HMGCLL1: variants seen among roughly 807,000 people sequenced by gnomAD.
HMGCLL1 encodes 3-hydroxymethyl-3-methylglutaryl-CoA lyase, cytoplasmic.
Under a neutral mutation model 39.1 loss-of-function variants are expected in HMGCLL1, and 36 were observed. That is an observed-to-expected ratio of 0.92 (90% CI 0.71 to 1.22). The LOEUF is 1.22. Ranked by LOEUF, HMGCLL1 falls within the 50% of genes most tolerant of loss-of-function variation. The pLI, the probability that HMGCLL1 is intolerant of heterozygous loss-of-function variation, is 0.00. For synonymous variants in HMGCLL1, 149 were observed against 144.0 expected, an observed-to-expected ratio of 1.03 and a Z score of -0.25; for missense variants, 451 against 416.5, an observed-to-expected ratio of 1.08 and a Z score of -0.72.
the HMGCLL1 span, among the ~76,000 whole-genome samples, chr6:55,661,168 C>T: frequency 6.6e-6 from 1 of 151,944 alleles, no homozygotes; most frequent in African/African-American, 2.4e-5. Context: ...TATAGGTTGT[C>T]TATTCACTCT....
At chr6:55,614,225 A>T in the HMGCLL1 span, among the ~76,000 whole-genome samples, 2 of 152,254 alleles carry the variant, frequency 1.3e-5, no homozygotes, top group Non-Finnish European at 2.9e-5. Context: ...TTAACCCTCC[A>T]TGTAATGAAA....
chr6:55,530,178 A>G (rs1264307940), intron 3 of HMGCLL1, among the ~76,000 whole-genome samples: 1 of 152,144 alleles, frequency 6.6e-6, no homozygotes, highest in African/African-American at 2.4e-5. Flanking sequence ...TTGACTGATA[A>G]TAGTGTTAAA....
chr6:55,454,178 G>T (rs1581797331), intron 7 of HMGCLL1, among the ~76,000 whole-genome samples: 1 of 152,000 alleles, frequency 6.6e-6, no homozygotes, highest in East Asian at 1.9e-4. Context: ...GACTCCATTG[G>T]TCAGTAAAAT....
chr6:55,467,038 T>C (rs1423671226), intron 7 of HMGCLL1, among the ~76,000 whole-genome samples: 9 of 152,078 alleles, frequency 5.9e-5, no homozygotes, highest in Non-Finnish European at 1.0e-4. Flanking sequence ...TTCAACAACA[T>C]AAAATTTCTT....
intron 3 of HMGCLL1, among the ~76,000 whole-genome samples, chr6:55,537,098 A>AT (rs35004402): frequency 0.65 from 98,346 of 151,778 alleles, 32,158 homozygotes; most frequent in Admixed American, 0.71. Context: ...ACTTCATAAG[A>AT]TTTTTTTTCC....
the HMGCLL1 span, among the ~76,000 whole-genome samples, chr6:55,661,832 C>T: frequency 6.6e-6 from 1 of 151,694 alleles, no homozygotes. Context: ...GATATTGATT[C>T]TTTCTATTCA....
At chr6:55,480,498 T>G (rs111281767) in intron 7 of HMGCLL1, among the ~76,000 whole-genome samples, 3 of 151,654 alleles carry the variant, frequency 2.0e-5, no homozygotes, top group African/African-American at 7.3e-5. Context: ...AAAAGGGAAC[T>G]CTCATACGCT....
At chr6:55,658,078 G>T in the HMGCLL1 span, among the ~76,000 whole-genome samples, 1 of 151,632 alleles carries the variant, frequency 6.6e-6, no homozygotes. Context: ...AAAAAAAAGT[G>T]TAGGATTTGT....
the HMGCLL1 span, among the ~76,000 whole-genome samples, chr6:55,657,282 A>G: frequency 7.9e-5 from 12 of 151,996 alleles, no homozygotes; most frequent in Admixed American, 5.9e-4. Context: ...GCCCATGCCT[A>G]TGTCCTGAGT....
At chr6:55,495,215 A>G (rs1766509284) in intron 7 of HMGCLL1, among the ~76,000 whole-genome samples, 2 of 152,336 alleles carry the variant, frequency 1.3e-5, no homozygotes, top group South Asian at 4.1e-4. Context: ...AAATCAAACT[A>G]ACAGTAATAA....
At chr6:55,536,516 T>TAACG (rs1414148859) in intron 3 of HMGCLL1, among the ~76,000 whole-genome samples, 1 of 152,218 alleles carries the variant, frequency 6.6e-6, no homozygotes, top group Non-Finnish European at 1.5e-5. Context: ...AGCTTACTAC[T>TAACG]AACGGCCACA....
the HMGCLL1 span, among the ~76,000 whole-genome samples, chr6:55,677,741 A>G: frequency 6.6e-6 from 1 of 152,212 alleles, no homozygotes; most frequent in Non-Finnish European, 1.5e-5. Flanking sequence ...TCAATTTTAC[A>G]GTTCATTAAG....
chr6:55,574,475 C>G (rs1385483957), intron 1 of HMGCLL1, among the ~76,000 whole-genome samples: 1 of 151,388 alleles, frequency 6.6e-6, no homozygotes, highest in Non-Finnish European at 1.5e-5. Context: ...TAATAAGCCA[C>G]GGTTGTATGT....
chr6:55,587,030 T>A, the HMGCLL1 span, among the ~76,000 whole-genome samples: 1 of 152,110 alleles, frequency 6.6e-6, no homozygotes, highest in Non-Finnish European at 1.5e-5. Context: ...AAAGTGTTCC[T>A]ATTTCTCCAC....
At chr6:55,626,998 A>C in the HMGCLL1 span, among the ~76,000 whole-genome samples, 1 of 149,162 alleles carries the variant, frequency 6.7e-6, no homozygotes, top group East Asian at 2.0e-4. Flanking sequence ...TCCAGTCAAG[A>C]CTACAAATGA....
chr6:55,678,127 A>G, the HMGCLL1 span, among the ~76,000 whole-genome samples: 3 of 152,184 alleles, frequency 2.0e-5, no homozygotes, highest in Non-Finnish European at 4.4e-5. Context: ...TAACCACTCT[A>G]GGTCAGGGTG....
the HMGCLL1 span, among the ~76,000 whole-genome samples, chr6:55,619,016 A>C: frequency 6.6e-6 from 1 of 152,232 alleles, no homozygotes; most frequent in South Asian, 2.1e-4. Context: ...AAAAAACAAA[A>C]GGAGGAAAAA....
At chr6:55,630,995 C>T in the HMGCLL1 span, among the ~76,000 whole-genome samples, 3 of 151,986 alleles carry the variant, frequency 2.0e-5, no homozygotes, top group Non-Finnish European at 4.4e-5. Flanking sequence ...TTTCCTTATC[C>T]TTGACCTTTG....
At chr6:55,562,468 A>G (rs527290666) in intron 1 of HMGCLL1, among the ~76,000 whole-genome samples, 1 of 152,180 alleles carries the variant, frequency 6.6e-6, no homozygotes, top group Admixed American at 6.6e-5. Context: ...AAAATGAGAG[A>G]TGATTGTTTG....
Sources: gnomAD v4.1 joint callset for allele counts (sites outside exome capture counted in the v4.1 genomes callset) on GRCh38, gnomAD v4.1.1 for gene constraint, MANE v1.5 for transcripts, NCBI Gene and HGNC (gene_info 2026-07-23, HGNC 2026-07-21) for gene names.